STK3: variants seen among roughly 807,000 people sequenced by gnomAD.
STK3 encodes the protein serine/threonine-protein kinase 3.
STK3 carries 41 observed loss-of-function variants against 58.0 expected under a neutral mutation model. That is an observed-to-expected ratio of 0.71 (90% CI 0.55 to 0.92). The LOEUF (loss-of-function observed/expected upper bound fraction) is 0.92. Ranked by LOEUF, STK3 falls within the 40% of genes least tolerant of loss-of-function variation. The pLI, the probability that STK3 is intolerant of heterozygous loss-of-function variation, is 0.00. For synonymous variants in STK3, 170 were observed against 191.0 expected (o/e 0.89, Z 0.91); for missense variants, 479 against 602.7 (o/e 0.79, Z 2.15).
chr8:98,933,846 A>G (rs1840095411), intron 1 of STK3, among the ~76,000 whole-genome samples: 1 of 152,184 alleles, frequency 6.6e-6, no homozygotes. Flanking sequence ...CTTGGAAGAG[A>G]GAATAGAGCC....
intron 1 of STK3, among the ~76,000 whole-genome samples, chr8:98,906,044 C>T (rs1412280642): frequency 6.6e-6 from 1 of 152,186 alleles, no homozygotes; most frequent in African/African-American, 2.4e-5. Flanking sequence ...GTTTACACCT[C>T]CACTTGTTAT....
chr8:98,476,424 T>C (rs928301830), intron 10 of STK3, among the ~76,000 whole-genome samples: 1 of 152,158 alleles, frequency 6.6e-6, no homozygotes, highest in Non-Finnish European at 1.5e-5. Flanking sequence ...GTAATAAAGT[T>C]ATACTTTATA....
chr8:98,938,563 A>AG (rs1288554854), intron 1 of STK3, among the ~76,000 whole-genome samples: 1 of 152,196 alleles, frequency 6.6e-6, no homozygotes, highest in Non-Finnish European at 1.5e-5. Flanking sequence ...AGCAGGAAGC[A>AG]GGGTGGGAGC....
intron 10 of STK3, among the ~76,000 whole-genome samples, chr8:98,520,568 A>G (rs1454625607): frequency 6.6e-6 from 1 of 151,814 alleles, no homozygotes; most frequent in Non-Finnish European, 1.5e-5. Context: ...CTTAGAACCC[A>G]TTTTCCTCAA....
intron 2 of STK3, among the ~76,000 whole-genome samples, chr8:98,372,485 G>A (rs535313829): frequency 1.3e-5 from 2 of 152,102 alleles, no homozygotes; most frequent in African/African-American, 4.8e-5. Flanking sequence ...TGCCCAGTGG[G>A]GTTTTTTGTT....
At chr8:98,904,865 A>G (rs557437901) in intron 1 of STK3, 23 of 677,494 alleles carry the variant, frequency 3.4e-5, no homozygotes, top group African/African-American at 3.4e-4. Context: ...GATTAGCAGA[A>G]GTAGAGTTGA....
chr8:98,418,949 C>A (rs1202838640), intron 3 of STK3, among the ~76,000 whole-genome samples: 1 of 152,240 alleles, frequency 6.6e-6, no homozygotes, highest in Non-Finnish European at 1.5e-5. Context: ...GCACCTCCCA[C>A]CACCCTTGGT....
chr8:98,698,311 T>G (rs1359646814), intron 6 of STK3, among the ~76,000 whole-genome samples: 4 of 151,928 alleles, frequency 2.6e-5, no homozygotes, highest in Admixed American at 1.3e-4. Context: ...TCTTGACTCT[T>G]TATCCAATTT....
intron 1 of STK3, among the ~76,000 whole-genome samples, chr8:98,892,540 G>A (rs918717473): frequency 7.2e-5 from 11 of 152,064 alleles, no homozygotes; most frequent in African/African-American, 9.7e-5. Flanking sequence ...CTGCCTCCCC[G>A]TCAGTGCACT....
At chr8:98,667,033 T>G (rs900106053) in intron 6 of STK3, among the ~76,000 whole-genome samples, 8 of 152,154 alleles carry the variant, frequency 5.3e-5, no homozygotes, top group African/African-American at 1.9e-4. Flanking sequence ...AAGCATAGCT[T>G]TCCAAAACAA....
chr8:98,436,090 C>T (rs1418391824), intron 2 of STK3, among the ~76,000 whole-genome samples: 1 of 152,196 alleles, frequency 6.6e-6, no homozygotes, highest in Non-Finnish European at 1.5e-5. Context: ...TGTCCTCAAG[C>T]TCCCCCGAAT....
intron 8 of STK3, among the ~76,000 whole-genome samples, chr8:98,572,331 A>G (rs1813032622): frequency 6.6e-6 from 1 of 152,142 alleles, no homozygotes; most frequent in African/African-American, 2.4e-5. Context: ...CCTAGATTAA[A>G]CTTTGTGTTC....
intron 1 of STK3, among the ~76,000 whole-genome samples, chr8:98,927,592 T>C (rs1219711694): frequency 6.6e-6 from 1 of 152,230 alleles, no homozygotes; most frequent in Non-Finnish European, 1.5e-5. Flanking sequence ...AATGCTATTA[T>C]TATCACCCCT....
intron 3 of STK3, among the ~76,000 whole-genome samples, chr8:98,854,231 C>A (rs184996264): frequency 6.6e-6 from 1 of 152,066 alleles, no homozygotes; most frequent in Non-Finnish European, 1.5e-5. Flanking sequence ...CTCTGCCTCC[C>A]GGGTTCAAGT....
At chr8:98,815,548 T>C (rs1834490691) in intron 1 of STK3, among the ~76,000 whole-genome samples, 1 of 152,004 alleles carries the variant, frequency 6.6e-6, no homozygotes, top group Admixed American at 6.6e-5. Flanking sequence ...ACCACTAGGG[T>C]CATGTTATCT....
chr8:98,578,028 C>T (rs927879360), intron 8 of STK3, among the ~76,000 whole-genome samples: 5 of 152,098 alleles, frequency 3.3e-5, no homozygotes, highest in African/African-American at 1.2e-4. Context: ...GAAAGAGACC[C>T]CCAAAGGGGC....
At chr8:98,597,659 T>C (rs2130000129) in intron 6 of STK3, 2 of 985,396 alleles carry the variant, frequency 2.0e-6, no homozygotes, top group Middle Eastern at 5.2e-4. Flanking sequence ...TAATTTAAAC[T>C]AGGACATATG....
intron 8 of STK3, among the ~76,000 whole-genome samples, chr8:98,548,390 G>C (rs1449867131): frequency 1.3e-5 from 2 of 152,050 alleles, no homozygotes; most frequent in African/African-American, 4.8e-5. Context: ...TGATGAAGTA[G>C]AAGGCTGCTA....
intron 1 of STK3, chr8:98,904,456 A>T (rs1307665156): frequency 8.3e-6 from 3 of 363,314 alleles, no homozygotes; most frequent in Non-Finnish European, 1.6e-5. Context: ...TAAGAAAGAA[A>T]ACATAGTTGG....
Sources: allele counts gnomAD v4.1 joint callset (sites outside exome capture counted in the v4.1 genomes callset), GRCh38; gene constraint gnomAD v4.1.1; transcripts MANE v1.5; gene names NCBI Gene and HGNC (gene_info 2026-07-23, HGNC 2026-07-21).